The following ATP10A variants were observed in gnomAD, a reference collection of about 807,000 sequenced individuals.
ATP10A encodes the protein phospholipid-transporting ATPase VA.
Under a neutral mutation model 147.8 loss-of-function variants are expected in ATP10A, and 111 were observed. The observed-to-expected ratio is 0.75, with a 90% CI of 0.64 to 0.88. The LOEUF (loss-of-function observed/expected upper bound fraction) is 0.88, where lower values mean the gene tolerates loss of function less well. Ranked by LOEUF, ATP10A falls within the 40% of genes least tolerant of loss-of-function variation. The pLI is 0.00. For synonymous variants in ATP10A, 875 were observed against 841.6 expected (o/e 1.04, Z -0.69); for missense variants, 1,927 against 1,959.0 (o/e 0.98, Z 0.31).
rs181507278 is a variant in ATP10A, at chr15:25,702,441, G to A, written c.2576-341C>T. On this transcript the variant is annotated intron_variant, in intron 12 of 20. Coordinates refer to ENST00000555815, the MANE Select transcript of ATP10A (RefSeq NM_024490.4). ...CTTGTAACTTTACAGATAACCTGAA[G>A]GCAAAGCGTATGGGAAGGTGTTGGG... Among the ~76,000 whole-genome samples, 348 of 152,338 alleles carry A rather than the reference G, an allele frequency of 2.3e-3. 3 individuals are homozygous for A. Among genetic ancestry groups the A allele is most frequent in the African/African-American group, 7.9e-3 (328 of 41,580 alleles).
At chr15:25,687,349 C>T (rs1899746964) in intron 16 of ATP10A, among the ~76,000 whole-genome samples, 1 of 152,018 alleles carries the variant, frequency 6.6e-6, no homozygotes, top group South Asian at 2.1e-4. Flanking sequence ...GACTGGGTGG[C>T]CTGGGGTGAA....
intron 1 of ATP10A, among the ~76,000 whole-genome samples, chr15:25,830,090 G>T (rs11161235): frequency 0.91 from 137,864 of 152,038 alleles, 63,638 homozygotes; most frequent in Non-Finnish European, 0.99. Context: ...GCGGTGGGCA[G>T]CCAGGTCCAA....
At chr15:25,790,845 G>A (rs1370855129) in intron 1 of ATP10A, among the ~76,000 whole-genome samples, 8 of 152,076 alleles carry the variant, frequency 5.3e-5, no homozygotes, top group Admixed American at 3.3e-4. Context: ...AAAACACTCC[G>A]GGGCACTTCT....
intron 1 of ATP10A, among the ~76,000 whole-genome samples, chr15:25,809,223 G>A (rs984456413): frequency 1.1e-4 from 16 of 152,098 alleles, no homozygotes; most frequent in African/African-American, 3.4e-4. Context: ...CTGAGTGTGG[G>A]GTGGGGTGGG....
At chr15:25,831,231 G>A (rs2140870601) in intron 1 of ATP10A, among the ~76,000 whole-genome samples, 1 of 152,138 alleles carries the variant, frequency 6.6e-6, no homozygotes, top group African/African-American at 2.4e-5. Context: ...GGGGGCCTCG[G>A]GGGCTCCACC....
intron 1 of ATP10A, among the ~76,000 whole-genome samples, chr15:25,831,754 G>A (rs1230179837): frequency 6.6e-6 from 1 of 152,148 alleles, no homozygotes; most frequent in Admixed American, 6.5e-5. Context: ...TATTTCCAAA[G>A]AGCCACACAA....
Position 25,781,011 on chromosome 15 carries a change from T to A in ATP10A, c.654+8A>T, listed in dbSNP as rs1889894356. ...GCCTGCAAGGCCCTGGAAACGTGGG[T>A]CACTTACAAGCTCCGAGAAGCCGCG... is the stretch of plus-strand genomic sequence containing the variant. On this transcript the variant is annotated splice_region_variant and intron_variant, in intron 2 of 20. Transcript: ENST00000555815. 6.2e-7 allele frequency: 1 copy of A among 1,612,946 alleles called. No homozygotes were observed. The highest frequency in any genetic ancestry group is 8.5e-7 in the Non-Finnish European group (1 of 1,179,752).
Position 25,701,955 on chromosome 15 carries a change from G to T in ATP10A, c.2721C>A (p.Asp907Glu). ...TCAGGGTGATGACCTCCTCGTCGTG[G>T]TCCAGCAGTTTGCAGGCATATGCAA... Reference protein sequence around the residue: ...VNIAYACKLLDHDEEVITLNA... With the variant: ...VNIAYACKLLEHDEEVITLNA... The change falls in exon 13 of 21, where the codon GAC becomes GAA. Residue 907 changes from aspartate to glutamate, a missense_variant. Coordinates refer to ENST00000555815, the MANE Select transcript of ATP10A (RefSeq NM_024490.4). 6.2e-7 allele frequency: 1 copy of T among 1,613,180 alleles called. No individual in the cohort carries two copies. Among genetic ancestry groups the T allele is most frequent in the Non-Finnish European group, 8.5e-7 (1 of 1,179,622 alleles).
chr15:25,729,116 G>T (rs1357099195), intron 3 of ATP10A, among the ~76,000 whole-genome samples: 1 of 152,238 alleles, frequency 6.6e-6, no homozygotes, highest in African/African-American at 2.4e-5. Context: ...AATTCAGCTG[G>T]TGAAGCCCTA....
chr15:25,856,877 T>C (rs1350531828), intron 1 of ATP10A, among the ~76,000 whole-genome samples: 1 of 152,098 alleles, frequency 6.6e-6, no homozygotes, highest in Non-Finnish European at 1.5e-5. Context: ...ACATGTTACC[T>C]GAAACCACAC....
chr15:25,737,909 A>C (rs1596791422), intron 2 of ATP10A, among the ~76,000 whole-genome samples: 1 of 152,160 alleles, frequency 6.6e-6, no homozygotes, highest in Admixed American at 6.5e-5. Context: ...AGGCCTCAAA[A>C]GAAACCATCC....
At chr15:25,747,836 C>T (rs1279977389) in intron 2 of ATP10A, among the ~76,000 whole-genome samples, 1 of 152,192 alleles carries the variant, frequency 6.6e-6, no homozygotes, top group Non-Finnish European at 1.5e-5. Flanking sequence ...CTTACATAAA[C>T]TCTTCCAGTA....
chr15:25,715,341 AACC>A (rs2140398722), intron 9 of ATP10A, among the ~76,000 whole-genome samples: 1 of 152,304 alleles, frequency 6.6e-6, no homozygotes, highest in African/African-American at 2.4e-5. Flanking sequence ...GGCGCTCACC[AACC>A]AATATGTGGG....
intron 3 of ATP10A, among the ~76,000 whole-genome samples, chr15:25,731,531 G>T (rs2140467582): frequency 6.6e-6 from 1 of 152,252 alleles, no homozygotes; most frequent in South Asian, 2.1e-4. Context: ...CTTCAGAGGT[G>T]ACCACATGCC....
rs761467779 is a variant in ATP10A at position 25,716,762 on chromosome 15, C to T, written c.1744G>A (p.Val582Ile). Reference protein sequence around the residue: ...FIALTICNTVVVTSPDQPRTK... With the variant: ...FIALTICNTVIVTSPDQPRTK... The stretch of plus-strand genomic sequence containing the variant: ...CGTGGCTGATCCGGGGACGTGACGA[C>T]GACTGTGTTGCAGATGGTGAGTGCG... Residue 582 changes from valine to isoleucine, a missense_variant, in exon 9 of 21, where the codon GTC (valine) becomes ATC (isoleucine). Coordinates refer to ENST00000555815, the MANE Select transcript of ATP10A (RefSeq NM_024490.4). 12 of 1,600,554 alleles carry T rather than the reference C, an allele frequency of 7.5e-6. No homozygotes were observed. The highest frequency in any genetic ancestry group is 2.3e-5 in the East Asian group (1 of 43,616).
rs936691981 is a variant in ATP10A at position 25,850,588 on chromosome 15, T to C, written c.449+12060A>G. Among the ~76,000 whole-genome samples, 17 of 152,124 alleles carry C rather than the reference T, an allele frequency of 1.1e-4. No individual in the cohort carries two copies. The East Asian group carries it at 3.1e-3, about 28-fold the overall frequency. On this transcript the variant is annotated intron_variant, in intron 1 of 20. Transcript: ENST00000555815. The stretch of plus-strand genomic sequence containing the variant: ...GGCCAGTTTTGGAGAACTGGAACTG[T>C]GTAGAGCGTCCGGCGGCAGCGGACC...
chr15:25,803,645 C>T (rs1410722094), intron 1 of ATP10A, among the ~76,000 whole-genome samples: 10 of 152,204 alleles, frequency 6.6e-5, no homozygotes, highest in Admixed American at 6.5e-4. Context: ...ATACATTCCC[C>T]AGGATCCAAG....
chr15:25,725,966 G>A lies in ATP10A; in HGVS notation c.964C>T (p.Leu322=). 6.2e-7 allele frequency: 1 copy of A among 1,613,650 alleles called. No individual in the cohort carries two copies. Among genetic ancestry groups the A allele is most frequent in the Middle Eastern group, 1.7e-4 (1 of 6,058 alleles). Residue 322 remains leucine (L), a synonymous_variant, in exon 5 of 21, where the codon CTG becomes TTG. Coordinates refer to ENST00000555815, the MANE Select transcript of ATP10A (RefSeq NM_024490.4). ...GGAGACTTACCGACTGCTGAAAACA[G>A]AGACATGCAAACAAGGAGCAGGACA... ...WCVLLLVCMS[L]FSAVGHGLWI... is the part of the protein sequence containing the mutation.
intron 13 of ATP10A, among the ~76,000 whole-genome samples, chr15:25,698,123 T>C (rs947242081): frequency 3.3e-5 from 5 of 152,186 alleles, no homozygotes; most frequent in Non-Finnish European, 4.4e-5. Context: ...AGGTAAAAAC[T>C]AAGGCAATGT....
Sources: allele counts gnomAD v4.1 joint callset (sites outside exome capture counted in the v4.1 genomes callset), GRCh38; gene constraint gnomAD v4.1.1; transcripts MANE v1.5; gene names NCBI Gene and HGNC (gene_info 2026-07-23, HGNC 2026-07-21).